Variants in LLGL1 observed in about 807,000 individuals in gnomAD.
The protein encoded by LLGL1 is LLGL scribble cell polarity complex component 1.
A neutral mutation model predicts 110.6 loss-of-function variants in LLGL1; 58 were observed. The observed-to-expected ratio is 0.52, with a 90% confidence interval of 0.42 to 0.65. The LOEUF (loss-of-function observed/expected upper bound fraction) is 0.65. Ranked by LOEUF, LLGL1 falls within the 30% of genes least tolerant of loss-of-function variation. The pLI is 0.00. For synonymous variants in LLGL1, 674 were observed against 607.2 expected (o/e 1.11, Z -1.62); for missense variants, 1,229 against 1,462.1 (o/e 0.84, Z 2.60).
intron 2 of LLGL1, 111 bp downstream of exon 2, chr17:18,230,149 G>C: frequency 1.3e-6 from 1 of 766,106 alleles, no homozygotes; most frequent in Non-Finnish European, 2.1e-6. Flanking sequence ...GAGGACAGAG[G>C]TGCTCTGATG....
Position 18,235,008 on chromosome 17 carries a change from GTACCC to G in LLGL1, c.1060+22_1060+26del. On this transcript the variant is annotated intron_variant, in intron 9 of 22. Transcript: ENST00000316843. ...GCCCGAGGATGGTGCGTGCCCTGCCGTACCCTACCCTTTCCCAGCCCCACCTGGTG... is the reference window on the plus strand; with the variant it reads ...GCCCGAGGATGGTGCGTGCCCTGCCGTACCCTTTCCCAGCCCCACCTGGTG... The G allele has an allele frequency of 6.2e-7, 1 of 1,613,852 alleles. No homozygotes were observed. The highest frequency in any genetic ancestry group is 8.5e-7 in the Non-Finnish European group (1 of 1,179,974).
In LLGL1 at chr17:18,237,271, G is replaced by A. The variant is rs953078718; in HGVS notation, c.1612-210G>A. On this transcript the variant is annotated intron_variant, in intron 13 of 22. Coordinates refer to ENST00000316843, the MANE Select transcript of LLGL1 (RefSeq NM_004140.4). ...TTGCCCTCAGAGGGCAGGGACTAGT[G>A]TGTCTTGGTCACCACTGTGTTCCTT... The A allele has an allele frequency of 1.7e-4, 105 of 608,628 alleles. No homozygotes were observed. In the African/African-American group the frequency reaches 1.8e-3, roughly 11 times the overall value. 37.7% of individuals were successfully genotyped at this position (608,628 alleles called of 1,614,324 possible).
rs2047865408 is a variant in LLGL1, at chr17:18,242,535, T to A, written c.3023T>A (p.Leu1008His). The A allele has an allele frequency of 1.9e-6, 3 of 1,613,944 alleles. No homozygotes were observed. Among genetic ancestry groups the A allele is most frequent in the Non-Finnish European group, 2.5e-6 (3 of 1,179,896 alleles). ...ACCCCGGAGCCACCCGAGGCTGCACTCTCACCCATGTCCATCGACTCAGCC... is the reference window on the plus strand; with the variant it reads ...ACCCCGGAGCCACCCGAGGCTGCACACTCACCCATGTCCATCGACTCAGCC... ...PDTPEPPEAA[L>H]SPMSIDSATS... The change falls in exon 21 of 23, where the codon CTC (leucine) becomes CAC (histidine). Residue 1008 changes from leucine (L) to histidine (H), a missense_variant. Leu to His is a moderately conservative substitution (Grantham distance 99). Transcript: ENST00000316843.
rs752015827 is a variant in LLGL1, at chr17:18,235,353, TGAG to T, written c.1284+46_1284+48del. On this transcript the variant is annotated intron_variant, in intron 10 of 22. Transcript: ENST00000316843. The stretch of plus-strand genomic sequence containing the variant: ...AGGGGGGTCTTACAGGGTGGAGTCT[TGAG>T]GAGGGGGAGAGTTTCAGTTCTAAGC... 4.1e-5 allele frequency: 66 copies of T among 1,605,732 alleles called. 1 individual carries two copies. The highest frequency in any genetic ancestry group is 3.5e-4 in the Admixed American group (21 of 59,976).
rs376301967 is a variant in LLGL1, at chr17:18,234,298, G to A, written c.740G>A (p.Arg247His). 16 of 1,607,144 alleles carry A rather than the reference G, an allele frequency of 1.0e-5. No homozygotes were observed. The highest frequency in any genetic ancestry group is 3.4e-5 in the Admixed American group (2 of 58,986). The change falls in exon 7 of 23, where the codon CGT becomes CAT. Residue 247 changes from arginine to histidine, a missense_variant. Physicochemically the swap from Arg to His is conservative, Grantham distance 29. Coordinates refer to ENST00000316843, the MANE Select transcript of LLGL1 (RefSeq NM_004140.4). Reference protein sequence around the residue: ...NQQLESLCWGRDSSTVVSSHS... With the variant: ...NQQLESLCWGHDSSTVVSSHS... ...CAGCTGGAGAGCCTATGCTGGGGGC[G>A]TGATAGCAGCACTGTGGTCAGCTCA...
chr17:18,235,475 G>T lies in LLGL1; in HGVS notation c.1290G>T (p.Trp430Cys). 1 of 1,614,076 alleles carries T rather than the reference G, an allele frequency of 6.2e-7. No individual in the cohort carries two copies. The highest frequency in any genetic ancestry group is 8.5e-7 in the Non-Finnish European group (1 of 1,180,018). Reference sequence around the variant, plus strand: ...TCTCTGCCACCCCCTCCCAGAGCTGGCCCATCACTGGGGGCCGAAACCTGG... The same window carrying T: ...TCTCTGCCACCCCCTCCCAGAGCTGTCCCATCACTGGGGGCCGAAACCTGG... ...SPQPVSSALS[W>C]PITGGRNLAQ... Residue 430 changes from tryptophan to cysteine, a missense_variant, in exon 11 of 23, where the codon TGG becomes TGT. Trp to Cys is a radical substitution (Grantham distance 215). Coordinates refer to ENST00000316843, the MANE Select transcript of LLGL1 (RefSeq NM_004140.4).
At chr17:18,242,133 C>T (rs202218753) in intron 19 of LLGL1, 33 bp from the exon 20 acceptor site, 1 of 1,581,764 alleles carries the variant, frequency 6.3e-7, no homozygotes, top group East Asian at 2.2e-5. Flanking sequence ...AAGTCATCCA[C>T]CTATGGTCCC....
Position 18,232,704 on chromosome 17 carries a change from T to C in LLGL1, c.294T>C (p.Ser98=). 1 of 1,614,186 alleles carries C rather than the reference T, an allele frequency of 6.2e-7. No individual in the cohort carries two copies. Among genetic ancestry groups the C allele is most frequent in the African/African-American group, 1.3e-5 (1 of 75,066 alleles). ...TCCTGTCCCTGCTTGATGACAGCAGTCTGCATCTCTGGGAGATTGTCCACC... is the reference window on the plus strand; with the variant it reads ...TCCTGTCCCTGCTTGATGACAGCAGCCTGCATCTCTGGGAGATTGTCCACC... ...GRLLSLLDDS[S]LHLWEIVHHN... is the part of the protein sequence containing the mutation. The change falls in exon 4 of 23, where the codon AGT becomes AGC. Residue 98 remains serine, a synonymous_variant. Coordinates refer to ENST00000316843, the MANE Select transcript of LLGL1 (RefSeq NM_004140.4).
chr17:18,240,650 C>G lies in LLGL1; in HGVS notation c.2279C>G (p.Pro760Arg). ...GTGTTCGCCTATGCACTGGAGGTGC[C>G]GGCAGCAGCAGTGGGTGGTGAGAAG... ...GSVFAYALEV[P>R]AAAVGGEKRP... is the part of the protein sequence containing the mutation. The change falls in exon 17 of 23, where the codon CCG becomes CGG. Residue 760 changes from proline (P) to arginine (R), a missense_variant. Physicochemically the swap from Pro to Arg is moderately radical, Grantham distance 103. Coordinates refer to ENST00000316843, the MANE Select transcript of LLGL1 (RefSeq NM_004140.4). The surrounding 1 kb of genome is among the most constrained non-coding windows in gnomAD (Gnocchi z 5.3). The G allele has an allele frequency of 6.2e-7, 1 of 1,613,032 alleles. No homozygotes were observed. Among genetic ancestry groups the G allele is most frequent in the Non-Finnish European group, 8.5e-7 (1 of 1,179,754 alleles).
chr17:18,236,448 G>C (rs568923243), intron 11 of LLGL1, 159 bp from the exon 12 acceptor site: 10 of 680,144 alleles, frequency 1.5e-5, no homozygotes, highest in Admixed American at 2.6e-5. Context: ...TACCTGTGCT[G>C]TCTACAGTAG....
chr17:18,228,059 C>G (rs2047489351), intron 1 of LLGL1, among the ~76,000 whole-genome samples: 1 of 152,192 alleles, frequency 6.6e-6, no homozygotes, highest in South Asian at 2.1e-4. Context: ...TGTGTGAGGT[C>G]TCCAAGGTGC....
At chr17:18,225,927 C>T (rs186900966) in intron 1 of LLGL1, among the ~76,000 whole-genome samples, 164 bp downstream of exon 1, 1,517 of 150,704 alleles carry the variant, frequency 0.01, 24 homozygotes, top group African/African-American at 0.035. Context: ...CGGCGGGCCC[C>T]GCTCTGGCTC....
At chr17:18,229,690 C>T (rs546451675) in intron 1 of LLGL1, among the ~76,000 whole-genome samples, 11 of 152,240 alleles carry the variant, frequency 7.2e-5, no homozygotes, top group African/African-American at 1.7e-4. Flanking sequence ...TGGCAAAGGG[C>T]GGGCCTCTGT....
In LLGL1 at chr17:18,241,132, C is replaced by G. The variant is rs1352636025; in HGVS notation, c.2502+259C>G. The G allele has an allele frequency of 5.1e-6, 3 of 588,778 alleles. No homozygotes were observed. The African/African-American group carries it at 5.6e-5, about 11-fold the overall frequency. The allele number at this position is 588,778 out of a possible 1,614,324, so 36.5% of individuals were successfully genotyped here. ...CACTGTGCCACACAAGGCTCCTGTA[C>G]TGGGCCCAGACCCCTGAGCCCAGTC... On this transcript the variant is annotated intron_variant, in intron 17 of 22. Coordinates refer to ENST00000316843, the MANE Select transcript of LLGL1 (RefSeq NM_004140.4).
At chr17:18,234,755 G>A (rs780037460) in intron 8 of LLGL1, 52 bp downstream of exon 8, 8 of 1,613,596 alleles carry the variant, frequency 5.0e-6, no homozygotes, top group Non-Finnish European at 5.1e-6. Flanking sequence ...CTAGGGGGCT[G>A]GAAGGGTGGG....
chr17:18,235,270 C>T lies in LLGL1; in HGVS notation c.1242C>T (p.Ser414=), dbSNP rs760713823. Residue 414 remains serine, a synonymous_variant, in exon 10 of 23, where the codon AGC becomes AGT. Transcript: ENST00000316843. The part of the protein sequence containing the change: ...VPAKLWARIV[S]AGEQQSPQPV... ...CCAAGCTGTGGGCCCGCATTGTGAGCGCTGGCGAGCAGCAGAGCCCCCAGC... is the reference window on the plus strand; with the variant it reads ...CCAAGCTGTGGGCCCGCATTGTGAGTGCTGGCGAGCAGCAGAGCCCCCAGC... 3.7e-6 allele frequency: 6 copies of T among 1,610,412 alleles called. No homozygotes were observed. The highest frequency in any genetic ancestry group is 1.7e-4 in the Middle Eastern group (1 of 6,040).
intron 20 of LLGL1, 81 bp from the exon 21 acceptor site, chr17:18,242,427 C>G: frequency 6.3e-7 from 1 of 1,593,704 alleles, no homozygotes; most frequent in Non-Finnish European, 8.6e-7. Context: ...CATGGGCTGC[C>G]TTATGGGTCT....
Position 18,236,867 on chromosome 17 carries a change from C to G in LLGL1, c.1539C>G (p.Pro513=). The G allele has an allele frequency of 2.5e-6, 4 of 1,613,926 alleles. No homozygotes were observed. The highest frequency in any genetic ancestry group is 3.4e-6 in the Non-Finnish European group (4 of 1,180,004). ...GCTTCGATCCCTACAGTGACGATCC[C>G]CGGCTTGGCGTGCAGAAGGTTGCTC... ...VGCFDPYSDD[P]RLGVQKVALC... Residue 513 remains proline (P), a synonymous_variant, in exon 13 of 23, where the codon CCC becomes CCG. Coordinates refer to ENST00000316843, the MANE Select transcript of LLGL1 (RefSeq NM_004140.4).
intron 1 of LLGL1, among the ~76,000 whole-genome samples, chr17:18,227,781 G>C (rs1384266843): frequency 6.6e-6 from 1 of 152,224 alleles, no homozygotes; most frequent in Non-Finnish European, 1.5e-5. Flanking sequence ...GGCTAGCCTT[G>C]GGGTGGCGGA....
Sources: gnomAD v4.1 joint callset for allele counts (sites outside exome capture counted in the v4.1 genomes callset) on GRCh38, gnomAD v4.1.1 for gene constraint, Gnocchi (gnomAD v3.1) non-coding constraint, MANE v1.5 for transcripts, NCBI Gene and HGNC (gene_info 2026-07-23, HGNC 2026-07-21) for gene names.